The following MTFR2 variants were observed in gnomAD, a reference collection of about 807,000 sequenced individuals.
MTFR2 encodes the protein mitochondrial fission regulator 2.
Under a neutral mutation model 41.2 loss-of-function variants are expected in MTFR2, and 44 were observed. That is an observed-to-expected ratio of 1.07 (90% confidence interval 0.84 to 1.37). The LOEUF is 1.37. Ranked by LOEUF, MTFR2 falls within the 40% of genes most tolerant of loss-of-function variation. MTFR2 has a pLI of 0.00. For missense variants in MTFR2, 452 were observed against 459.5 expected (o/e 0.98, Z 0.15); for synonymous variants, 141 against 154.6 (o/e 0.91, Z 0.65).
Position 136,232,837 on chromosome 6 carries a change from C to A in MTFR2, c.1044+488G>T, listed in dbSNP as rs138881282. Among the ~76,000 whole-genome samples the A allele has an allele frequency of 2.5e-3, 382 of 152,290 alleles. 1 individual carries two copies. Among genetic ancestry groups the A allele is most frequent in the African/African-American group, 8.8e-3 (364 of 41,548 alleles). Reference sequence around the variant, plus strand: ...TCCAGTGTTTGTCATCCTAGGCATCCAGTAAGTGCTGTCACTAAAGATAAC... The same window carrying A: ...TCCAGTGTTTGTCATCCTAGGCATCAAGTAAGTGCTGTCACTAAAGATAAC... On this transcript the variant is annotated intron_variant, in intron 7 of 7. Coordinates refer to ENST00000420702, the MANE Select transcript of MTFR2 (RefSeq NM_001099286.3).
intron 5 of MTFR2, 75 bp from the exon 6 acceptor site, chr6:136,239,895 G>A (rs1780011596): frequency 7.8e-7 from 1 of 1,281,420 alleles, no homozygotes; most frequent in African/African-American, 1.5e-5. Context: ...ACACTAATTA[G>A]AACCAAAACA....
At chr6:136,240,844 C>T (rs1269313105) in intron 5 of MTFR2, among the ~76,000 whole-genome samples, 3 of 152,216 alleles carry the variant, frequency 2.0e-5, no homozygotes, top group Non-Finnish European at 2.9e-5. Flanking sequence ...GTAATCCCAG[C>T]ACTTTGGGAG....
At chr6:136,249,676 T>A (rs1443231858) in intron 1 of MTFR2, among the ~76,000 whole-genome samples, 1 of 152,160 alleles carries the variant, frequency 6.6e-6, no homozygotes, top group East Asian at 1.9e-4. Flanking sequence ...AGTGAATAAG[T>A]CTCATGAGAT....
chr6:136,241,363 T>A, intron 5 of MTFR2, 81 bp downstream of exon 5: 1 of 1,094,944 alleles, frequency 9.1e-7, no homozygotes, highest in Non-Finnish European at 1.3e-6. Flanking sequence ...CTATATTCAG[T>A]ACAGTATCAT....
intron 1 of MTFR2, among the ~76,000 whole-genome samples, chr6:136,249,361 T>G (rs1032941311): frequency 3.9e-5 from 6 of 152,184 alleles, no homozygotes; most frequent in Admixed American, 2.0e-4. Context: ...TTAGATTACA[T>G]TAAAACCTCG....
chr6:136,231,669 T>TAAAAAAAAAAAAAAAAAAAAAAAAAAAA (rs71006791), intron 7 of MTFR2, among the ~76,000 whole-genome samples: 4 of 82,944 alleles, frequency 4.8e-5, no homozygotes, highest in African/African-American at 1.9e-4. Flanking sequence ...AAAAACTATG[T>TAAAAAAAAAAAAAAAAAAAAAAAAAAAA]AAAAAAAAAA....
rs1780077622 is a variant in MTFR2, at chr6:136,241,686, A to G, written c.282-10T>C. The G allele has an allele frequency of 1.9e-6, 3 of 1,546,508 alleles. No homozygotes were observed. In the East Asian group the frequency reaches 6.8e-5, roughly 35 times the overall value. On this transcript the variant is annotated splice_polypyrimidine_tract_variant and intron_variant, in intron 4 of 7. Transcript: ENST00000420702. Reference sequence around the variant, plus strand: ...TTTCCATATACTATTTCTGTGGGTGAAAAAAAATAGGAAATGGAGGGAAGA... The same window carrying G: ...TTTCCATATACTATTTCTGTGGGTGGAAAAAAATAGGAAATGGAGGGAAGA...
chr6:136,236,080 G>A (rs908409490), intron 6 of MTFR2, among the ~76,000 whole-genome samples: 1 of 152,184 alleles, frequency 6.6e-6, no homozygotes, highest in Non-Finnish European at 1.5e-5. Context: ...GAGTTTTCAT[G>A]GGTAGAAGGC....
At chr6:136,243,283 T>C (rs1464511950) in intron 3 of MTFR2, among the ~76,000 whole-genome samples, 1 of 152,210 alleles carries the variant, frequency 6.6e-6, no homozygotes, top group African/African-American at 2.4e-5. Flanking sequence ...CCACGTAACA[T>C]TTAGGTCGAT....
At position 136,240,964 on chromosome 6, in the gene MTFR2, G is replaced by A. The variant is rs184188613; in HGVS notation, c.514+480C>T. Among the ~76,000 whole-genome samples the A allele has an allele frequency of 8.8e-3, 1,339 of 152,040 alleles. 17 individuals are homozygous for A. Among genetic ancestry groups the A allele is most frequent in the African/African-American group, 0.02 (810 of 41,398 alleles). ...AAATTAGCCGAGCGTGGTGGCGGGCGCCTGTAGTCCCAGCTACTCGAGAGG... is the reference window on the plus strand; with the variant it reads ...AAATTAGCCGAGCGTGGTGGCGGGCACCTGTAGTCCCAGCTACTCGAGAGG... On this transcript the variant is annotated intron_variant, in intron 5 of 7. Coordinates refer to ENST00000420702, the MANE Select transcript of MTFR2 (RefSeq NM_001099286.3).
At chr6:136,249,308 C>A (rs576886717) in intron 1 of MTFR2, among the ~76,000 whole-genome samples, 155 bp from the exon 2 acceptor site, 4 of 152,256 alleles carry the variant, frequency 2.6e-5, no homozygotes, top group Non-Finnish European at 4.4e-5. Flanking sequence ...AAGGGGAAGT[C>A]TGGGGGAAAG....
chr6:136,231,459 G>A (rs1779754153), intron 7 of MTFR2, 71 bp from the exon 8 acceptor site: 1 of 898,502 alleles, frequency 1.1e-6, no homozygotes, highest in South Asian at 1.5e-5. Flanking sequence ...GCAAGACAAA[G>A]GCCAGATGAC....
chr6:136,243,395 G>C (rs1780132139), intron 3 of MTFR2, among the ~76,000 whole-genome samples: 1 of 152,098 alleles, frequency 6.6e-6, no homozygotes. Context: ...TTATTTTAGA[G>C]TGTATTCCTT....
intron 2 of MTFR2, among the ~76,000 whole-genome samples, chr6:136,245,629 G>C (rs1780193893): frequency 6.6e-6 from 1 of 152,136 alleles, no homozygotes; most frequent in African/African-American, 2.4e-5. Flanking sequence ...GCCGGTCTCA[G>C]CTGTTAAACA....
chr6:136,231,072 G>A lies in MTFR2; in HGVS notation c.*203C>T. On this transcript the variant is annotated 3_prime_UTR_variant, in exon 8 of 8. Transcript: ENST00000420702. ...TTTATTTTAAGCTCTATGTACAGAA[G>A]AACAGAGTATAAACGTAAAAAGGAA... 8.1e-6 allele frequency: 4 copies of A among 492,278 alleles called. 1 individual carries two copies. The South Asian group carries it at 1.2e-4, about 15-fold the overall frequency. 30.5% of individuals were successfully genotyped at this position (492,278 alleles called of 1,614,324 possible).
chr6:136,234,949 G>A (rs1779865625), intron 6 of MTFR2, among the ~76,000 whole-genome samples: 1 of 152,188 alleles, frequency 6.6e-6, no homozygotes, highest in Admixed American at 6.5e-5. Flanking sequence ...CAAGGCTGGA[G>A]TATAGTGGCT....
intron 2 of MTFR2, among the ~76,000 whole-genome samples, chr6:136,247,108 G>A (rs1055810958): frequency 1.3e-5 from 2 of 152,140 alleles, no homozygotes; most frequent in African/African-American, 4.8e-5. Context: ...CCAGCACTTC[G>A]GAAGGCCAAG....
chr6:136,233,634 T>C (rs995425519), intron 6 of MTFR2, 135 bp from the exon 7 acceptor site: 12 of 701,692 alleles, frequency 1.7e-5, no homozygotes, highest in Non-Finnish European at 2.5e-5. Flanking sequence ...AATCTAATCT[T>C]CAAGAAATTT....
rs148687666 is a variant in MTFR2, at chr6:136,242,559, T to C, written c.281+302A>G. Among the ~76,000 whole-genome samples the C allele has an allele frequency of 5.3e-3, 807 of 152,220 alleles. 6 individuals carry two copies. The highest frequency in any genetic ancestry group is 0.018 in the African/African-American group (734 of 41,530). ...TAACACATCCAAATTTTGAAATACA[T>C]TTAACATCATTGCCTGGTGCACAGT... On this transcript the variant is annotated intron_variant, in intron 4 of 7. Transcript: ENST00000420702.
Sources: gnomAD v4.1 joint callset for allele counts (sites outside exome capture counted in the v4.1 genomes callset) on GRCh38, gnomAD v4.1.1 for gene constraint, MANE v1.5 for transcripts, NCBI Gene and HGNC (gene_info 2026-07-23, HGNC 2026-07-21) for gene names.